NLGN1: variants seen among roughly 807,000 people sequenced by gnomAD.
The protein encoded by NLGN1 is neuroligin 1, also known as neuroligin-1.
In NLGN1, 12 loss-of-function variants were observed where a neutral mutation model predicts 65.5. That is an observed-to-expected ratio of 0.18 (90% CI 0.12 to 0.30). The LOEUF is 0.30. Ranked by LOEUF, NLGN1 falls within the 10% of genes least tolerant of loss-of-function variation. The pLI, the probability that NLGN1 is intolerant of heterozygous loss-of-function variation, is 1.00. For synonymous variants in NLGN1, 350 were observed against 359.5 expected (o/e 0.97, Z 0.30); for missense variants, 750 against 1,007.1 (o/e 0.74, Z 3.46).
intron 3 of NLGN1, among the ~76,000 whole-genome samples, chr3:173,707,468 C>T (rs1232238610): frequency 6.6e-6 from 1 of 152,014 alleles, no homozygotes; most frequent in Non-Finnish European, 1.5e-5. Context: ...ACTGGCTTGA[C>T]AGTGCTTTGC....
chr3:173,702,718 AG>A (rs1290728166), intron 3 of NLGN1, among the ~76,000 whole-genome samples: 1 of 152,170 alleles, frequency 6.6e-6, no homozygotes, highest in Non-Finnish European at 1.5e-5. Context: ...TTAGAAGCCC[AG>A]GTTTGTGGAT....
At chr3:173,887,005 C>T (rs1015767158) in intron 4 of NLGN1, among the ~76,000 whole-genome samples, 15 of 151,904 alleles carry the variant, frequency 9.9e-5, no homozygotes, top group African/African-American at 1.9e-4. Context: ...CTTTGTCATA[C>T]GAATCAACCT....
At chr3:173,606,373 T>G (rs1751415422) in intron 3 of NLGN1, among the ~76,000 whole-genome samples, 1 of 152,080 alleles carries the variant, frequency 6.6e-6, no homozygotes, top group Non-Finnish European at 1.5e-5. Flanking sequence ...CACTCCACTT[T>G]TATATAACAT....
At chr3:173,633,248 A>G (rs1201479805) in intron 3 of NLGN1, among the ~76,000 whole-genome samples, 3 of 152,074 alleles carry the variant, frequency 2.0e-5, no homozygotes, top group Admixed American at 6.6e-5. Context: ...ACAAGTTTGA[A>G]ACCTTCTGTG....
chr3:173,552,017 G>A (rs981883383), intron 2 of NLGN1, among the ~76,000 whole-genome samples: 2 of 152,168 alleles, frequency 1.3e-5, no homozygotes, highest in Non-Finnish European at 1.5e-5. Flanking sequence ...TCAGGAGCTG[G>A]CTACTGTTAA....
chr3:174,027,966 G>A (rs560658296), intron 4 of NLGN1, among the ~76,000 whole-genome samples: 1 of 152,260 alleles, frequency 6.6e-6, no homozygotes, highest in Admixed American at 6.5e-5. Flanking sequence ...TCTCATGTTA[G>A]TGAATAAGTC....
chr3:174,238,123 T>G (rs1742087429), intron 4 of NLGN1, among the ~76,000 whole-genome samples: 1 of 152,154 alleles, frequency 6.6e-6, no homozygotes, highest in African/African-American at 2.4e-5. Flanking sequence ...TCTTTTCACC[T>G]CTATACTCAT....
At chr3:173,842,976 T>C (rs1007954628) in intron 4 of NLGN1, among the ~76,000 whole-genome samples, 4 of 152,210 alleles carry the variant, frequency 2.6e-5, no homozygotes, top group African/African-American at 9.6e-5. Context: ...CAGCAAACTT[T>C]TGCCTGGGCA....
At chr3:174,292,369 A>G in the NLGN1 span, among the ~76,000 whole-genome samples, 1 of 151,314 alleles carries the variant, frequency 6.6e-6, no homozygotes, top group Non-Finnish European at 1.5e-5. Flanking sequence ...CATTTTGTCA[A>G]AGACTTCTAG....
intron 3 of NLGN1, among the ~76,000 whole-genome samples, chr3:173,624,151 T>G (rs1754458734): frequency 6.6e-6 from 1 of 152,094 alleles, no homozygotes; most frequent in Non-Finnish European, 1.5e-5. Context: ...AGCAAGTCAT[T>G]TTTATCGCTT....
chr3:173,577,677 C>A (rs1352279738), intron 2 of NLGN1, among the ~76,000 whole-genome samples: 1 of 152,150 alleles, frequency 6.6e-6, no homozygotes, highest in Non-Finnish European at 1.5e-5. Context: ...CTAAATCATT[C>A]TGCTTGTTTC....
At chr3:174,268,286 C>A (rs1441271973) in intron 4 of NLGN1, among the ~76,000 whole-genome samples, 2 of 152,094 alleles carry the variant, frequency 1.3e-5, no homozygotes, top group Non-Finnish European at 2.9e-5. Context: ...ACTTCGTGAA[C>A]TTTGAATACC....
chr3:173,572,578 G>A (rs937728702), intron 2 of NLGN1, among the ~76,000 whole-genome samples: 1 of 152,142 alleles, frequency 6.6e-6, no homozygotes, highest in African/African-American at 2.4e-5. Context: ...GACCTTAGTT[G>A]ACCCTTCTGC....
intron 3 of NLGN1, among the ~76,000 whole-genome samples, chr3:173,728,792 G>T (rs997576098): frequency 2.0e-5 from 3 of 152,054 alleles, no homozygotes; most frequent in African/African-American, 7.2e-5. Flanking sequence ...CTAGGAAGAC[G>T]CAAAGAAGGA....
chr3:173,426,604 C>G (rs559444823), intron 1 of NLGN1, among the ~76,000 whole-genome samples: 1 of 152,006 alleles, frequency 6.6e-6, no homozygotes, highest in East Asian at 1.9e-4. Flanking sequence ...GTCCTTCAGT[C>G]TGTTCATGTG....
At chr3:174,174,450 G>C (rs1232936875) in intron 4 of NLGN1, among the ~76,000 whole-genome samples, 3 of 152,012 alleles carry the variant, frequency 2.0e-5, no homozygotes, top group Non-Finnish European at 4.4e-5. Flanking sequence ...CAGTGTAGAA[G>C]TGTTCCCTAT....
chr3:173,881,158 G>C (rs1336937636), intron 4 of NLGN1, among the ~76,000 whole-genome samples: 3 of 147,522 alleles, frequency 2.0e-5, no homozygotes, highest in Non-Finnish European at 4.5e-5. Flanking sequence ...GAGTGCAGTG[G>C]TGCGATCTCA....
intron 3 of NLGN1, among the ~76,000 whole-genome samples, chr3:173,618,892 G>T (rs1418327609): frequency 6.6e-6 from 1 of 152,166 alleles, no homozygotes; most frequent in African/African-American, 2.4e-5. Flanking sequence ...AGAACACATT[G>T]CAGAGTGATA....
chr3:174,002,750 A>G (rs12491801), intron 4 of NLGN1, among the ~76,000 whole-genome samples: 28,487 of 148,476 alleles, frequency 0.19, 2,809 homozygotes, highest in East Asian at 0.33. Flanking sequence ...CCCCTGGGGG[A>G]AAAAAAAATG....
Sources: allele counts gnomAD v4.1 joint callset (sites outside exome capture counted in the v4.1 genomes callset), GRCh38; gene constraint gnomAD v4.1.1; transcripts MANE v1.5; gene names NCBI Gene and HGNC (gene_info 2026-07-23, HGNC 2026-07-21).